EDARADD: variants seen among roughly 807,000 people sequenced by gnomAD.
EDARADD encodes the protein EDAR associated via death domain, also known as ectodysplasin-A receptor-associated adapter protein.
EDARADD carries 20 observed loss-of-function variants against 25.6 expected under a neutral mutation model. The ratio of observed to expected loss-of-function variants is 0.78; its 90% CI spans 0.55 to 1.14. The LOEUF (loss-of-function observed/expected upper bound fraction) is 1.14. Ranked by LOEUF, EDARADD falls within the 50% of genes most tolerant of loss-of-function variation. The pLI is 0.00. For synonymous variants in EDARADD, 86 were observed against 94.4 expected (o/e 0.91, Z 0.52); for missense variants, 225 against 270.1 (o/e 0.83, Z 1.17).
chr1:236,392,656 GTATTTGTATT>G (rs1019891523), upstream of EDARADD, among the ~76,000 whole-genome samples: 5 of 150,040 alleles, frequency 3.3e-5, no homozygotes, highest in Non-Finnish European at 7.4e-5. Context: ...TTTTGTATTT[GTATTTGTATT>G]TATTTATTTA....
At chr1:236,412,460 G>A (rs1475616532) in intron 2 of EDARADD, among the ~76,000 whole-genome samples, 1 of 152,122 alleles carries the variant, frequency 6.6e-6, no homozygotes, top group East Asian at 1.9e-4. Flanking sequence ...ACCTAGAAGG[G>A]CATCCCACCT....
chr1:236,434,776 G>A lies in EDARADD; in HGVS notation c.219+7326G>A, dbSNP rs779083734. 5.3e-5 allele frequency among the ~76,000 whole-genome samples: 8 copies of A among 152,102 alleles called. No homozygotes were observed. The South Asian group carries it at 6.2e-4, about 12-fold the overall frequency. On this transcript the variant is annotated intron_variant, in intron 4 of 5. Coordinates refer to ENST00000334232, the MANE Select transcript of EDARADD (RefSeq NM_145861.4). ...CCAGGGCCCCAGAGCCTTGAATGCC[G>A]GAGAGGGGTGGGTGGTGGAAGGTAT...
intron 5 of EDARADD, among the ~76,000 whole-genome samples, chr1:236,480,133 A>ATATC (rs1553271651): frequency 1.4e-5 from 2 of 142,090 alleles, no homozygotes; most frequent in Non-Finnish European, 3.0e-5. Context: ...ATATATATAT[A>ATATC]TATCACATTT....
At chr1:236,407,912 G>T (rs1414714140) in intron 1 of EDARADD, among the ~76,000 whole-genome samples, 1 of 152,134 alleles carries the variant, frequency 6.6e-6, no homozygotes, top group African/African-American at 2.4e-5. Context: ...GAGAAATCAA[G>T]ATTATTTTTG....
chr1:236,453,489 G>A (rs944262275), intron 4 of EDARADD, among the ~76,000 whole-genome samples: 1 of 152,024 alleles, frequency 6.6e-6, no homozygotes, highest in Non-Finnish European at 1.5e-5. Flanking sequence ...CATTGGCTGG[G>A]TTGGTCTCTA....
At chr1:236,372,091 G>C (rs1371726040) in intron 3 of EDARADD, among the ~76,000 whole-genome samples, 1 of 151,722 alleles carries the variant, frequency 6.6e-6, no homozygotes, top group Non-Finnish European at 1.5e-5. Context: ...TGAGTAGCTG[G>C]GACTACAGGT....
chr1:236,406,774 C>T (rs573599068), intron 1 of EDARADD, among the ~76,000 whole-genome samples: 16 of 152,300 alleles, frequency 1.1e-4, no homozygotes, highest in African/African-American at 2.6e-4. Flanking sequence ...AGACTCAGCC[C>T]TCAGGCCCTC....
At chr1:236,359,723 C>A (rs1249944498) in intron 3 of EDARADD, among the ~76,000 whole-genome samples, 1 of 152,130 alleles carries the variant, frequency 6.6e-6, no homozygotes, top group African/African-American at 2.4e-5. Flanking sequence ...CTTTTTAAAA[C>A]CATCAGATCT....
At position 236,446,470 on chromosome 1, in the gene EDARADD, T is replaced by C. The variant is rs567778637; in HGVS notation, c.219+19020T>C. Among the ~76,000 whole-genome samples the C allele has an allele frequency of 1.5e-4, 23 of 151,990 alleles. 2 individuals are homozygous for C. Among genetic ancestry groups the C allele is most frequent in the African/African-American group, 5.3e-4 (22 of 41,460 alleles). Reference sequence around the variant, plus strand: ...AGGAGGCTGAGGCAGAAGAATCACTTGAACGCAGGAGGTGGAGGTTGCAGT... The same window carrying C: ...AGGAGGCTGAGGCAGAAGAATCACTCGAACGCAGGAGGTGGAGGTTGCAGT... On this transcript the variant is annotated intron_variant, in intron 4 of 5. Transcript: ENST00000334232.
intron 3 of EDARADD, among the ~76,000 whole-genome samples, chr1:236,368,993 C>A (rs1215761470): frequency 6.6e-6 from 1 of 151,992 alleles, no homozygotes; most frequent in Non-Finnish European, 1.5e-5. Context: ...CAGAGTCTTG[C>A]TATGTTGCCC....
intron 4 of EDARADD, among the ~76,000 whole-genome samples, chr1:236,451,291 G>A (rs1236843265): frequency 2.0e-5 from 3 of 152,098 alleles, no homozygotes; most frequent in Admixed American, 1.3e-4. Context: ...TTTCTCCTCG[G>A]TAAAATGGAC....
At chr1:236,353,459 A>T (rs1323534908) in intron 3 of EDARADD, among the ~76,000 whole-genome samples, 3 of 152,070 alleles carry the variant, frequency 2.0e-5, no homozygotes, top group Non-Finnish European at 4.4e-5. Flanking sequence ...GGGCAGGTGG[A>T]TGACGAGGTC....
In EDARADD at chr1:236,388,262, CT is replaced by C. The variant is rs573381387; in HGVS notation, c.-5-20947del. 3.2e-3 allele frequency among the ~76,000 whole-genome samples: 493 copies of C among 152,150 alleles called. 2 individuals are homozygous for C. Among genetic ancestry groups the C allele is most frequent in the African/African-American group, 0.011 (459 of 41,518 alleles). ...TACATTTTTGTTCTGTTCCATTAAT[CT>C]TTTTTTCACTTTTCTTGTACCAATA... On this transcript the variant is annotated intron_variant, in intron 3 of 7. Transcript: ENST00000439430.
In EDARADD at chr1:236,483,884, G is replaced by A; in HGVS notation, c.*1235G>A. 7 of 1,383,204 alleles carry A rather than the reference G, an allele frequency of 5.1e-6. No individual in the cohort carries two copies. Among genetic ancestry groups the A allele is most frequent in the Admixed American group, 1.7e-5 (1 of 59,488 alleles). The allele number at this position is 1,383,204 out of a possible 1,614,324, so 85.7% of individuals were successfully genotyped here. ...GGAAAGCTGGCTACACTGATAAGGT[G>A]ATCGTCAGCATGGACGTAGAGGCCT... On this transcript the variant is annotated 3_prime_UTR_variant, in exon 6 of 6. Coordinates refer to ENST00000334232, the MANE Select transcript of EDARADD (RefSeq NM_145861.4).
intron 4 of EDARADD, among the ~76,000 whole-genome samples, chr1:236,455,294 C>T (rs1658828931): frequency 6.6e-6 from 1 of 152,104 alleles, no homozygotes; most frequent in African/African-American, 2.4e-5. Flanking sequence ...AACCAGCTCA[C>T]CAGACTCTCT....
Position 236,363,030 on chromosome 1 carries a change from T to TATATATATATATATATATAA in EDARADD, c.-6+12194_-6+12195insTATATATATATATATAAATA, listed in dbSNP as rs796610771. ...AAATATATATATATATATATATATA[T>TATATATATATATATATATAA]ATAAAATTTGTGTACAGACAGAGTC... On this transcript the variant is annotated intron_variant, in intron 3 of 7. Coordinates refer to the EDARADD transcript ENST00000439430. 2.1e-4 allele frequency among the ~76,000 whole-genome samples: 21 copies of TATATATATATATATATATAA among 101,926 alleles called. 1 individual carries two copies. Among genetic ancestry groups the TATATATATATATATATATAA allele is most frequent in the African/African-American group, 5.2e-4 (14 of 26,680 alleles). 66.9% of individuals were successfully genotyped at this position (101,926 alleles called of 152,430 possible). A position where few individuals can be genotyped will look rare whatever the true frequency, so the allele number is the denominator to read the frequency against.
chr1:236,363,007 ATATATAT>A (rs1214947235), intron 3 of EDARADD, among the ~76,000 whole-genome samples: 5 of 40,386 alleles, frequency 1.2e-4, no homozygotes, highest in Admixed American at 3.3e-4. Context: ...AAAAAAAAAA[ATATATAT>A]ATATATATAT....
At chr1:236,407,037 A>G (rs1433963886) in intron 1 of EDARADD, among the ~76,000 whole-genome samples, 1 of 152,098 alleles carries the variant, frequency 6.6e-6, no homozygotes, top group Non-Finnish European at 1.5e-5. Context: ...AGGAAATTCC[A>G]CTTCAGTCAG....
At chr1:236,452,233 C>T (rs765735173) in intron 4 of EDARADD, among the ~76,000 whole-genome samples, 6 of 152,192 alleles carry the variant, frequency 3.9e-5, no homozygotes, top group Non-Finnish European at 8.8e-5. Flanking sequence ...GAGAGCAGCC[C>T]TGTTTCTCCT....
Sources: gnomAD v4.1 joint callset for allele counts (sites outside exome capture counted in the v4.1 genomes callset) on GRCh38, gnomAD v4.1.1 for gene constraint, MANE v1.5 for transcripts, NCBI Gene and HGNC (gene_info 2026-07-23, HGNC 2026-07-21) for gene names.